The following MAPK11 variants were observed in gnomAD, a reference collection of about 807,000 sequenced individuals.
MAPK11 encodes MAP kinase 11.
A neutral mutation model predicts 52.2 loss-of-function variants in MAPK11; 44 were observed. That is an observed-to-expected ratio of 0.84 (90% CI 0.66 to 1.08). The LOEUF is 1.08. MAPK11 is among the 50% of genes least tolerant of loss of function. The pLI is 0.00. For missense variants in MAPK11, 436 were observed against 494.7 expected (o/e 0.88, Z 1.13); for synonymous variants, 233 against 206.3 (o/e 1.13, Z -1.11).
intron 2 of MAPK11, 69 bp from the exon 3 acceptor site, chr22:50,267,696 G>A (rs2065276324): frequency 6.9e-7 from 1 of 1,448,066 alleles, no homozygotes; most frequent in Non-Finnish European, 9.1e-7. Context: ...CCCGGGCCAC[G>A]CCCCCAGTGC....
At position 50,267,055 on chromosome 22, in the gene MAPK11, C is replaced by T; in HGVS notation, c.496-7G>A. 1 of 1,611,626 alleles carries T rather than the reference C, an allele frequency of 6.2e-7. No individual in the cohort carries two copies. Among genetic ancestry groups the T allele is most frequent in the Non-Finnish European group, 8.5e-7 (1 of 1,179,224 alleles). ...CCAGCCCAAAATCCAGGATCTGGGG[C>T]GACCACGTGGTGTTCTCAAGCTCCG... On this transcript the variant is annotated splice_region_variant and splice_polypyrimidine_tract_variant and intron_variant, in intron 6 of 11. Transcript: ENST00000330651.
chr22:50,265,699 C>T, intron 9 of MAPK11, 39 bp from the exon 10 acceptor site: 1 of 1,286,692 alleles, frequency 7.8e-7, no homozygotes, highest in Non-Finnish European at 1.1e-6. Context: ...GCTGCTCACT[C>T]TCTGCCTCCC....
Position 50,267,922 on chromosome 22 carries a change from C to G in MAPK11, c.144G>C (p.Gln48His). 6.3e-7 allele frequency: 1 copy of G among 1,581,384 alleles called. No homozygotes were observed. Among genetic ancestry groups the G allele is most frequent in the Non-Finnish European group, 8.6e-7 (1 of 1,166,472 alleles). The part of the protein sequence containing the change: ...VCSAYDARLR[Q>H]KVAVKKLSRP... ...GCGACAGCTTCTTCACCGCCACCTT[C>G]TGGCGCAGCCGGGCGTCGTAGGCCG... Residue 48 changes from glutamine (Q) to histidine (H), a missense_variant, in exon 2 of 12, where the codon CAG (glutamine) becomes CAC (histidine). Physicochemically the swap from Gln to His is conservative, Grantham distance 24 (BLOSUM62 0). Coordinates refer to ENST00000330651, the MANE Select transcript of MAPK11 (RefSeq NM_002751.7).
Position 50,266,355 on chromosome 22 carries a change from C to T in MAPK11, c.683-50G>A. The T allele has an allele frequency of 2.6e-6, 4 of 1,540,500 alleles. No individual in the cohort carries two copies. The South Asian group carries it at 4.7e-5, about 18-fold the overall frequency. On this transcript the variant is annotated intron_variant, in intron 8 of 11. Transcript: ENST00000330651. ...GGGCCAGCCACAGACCCCTCCTGGG[C>T]CCCCAGACCCAAAACTTTGGGGCGC...
In MAPK11 at chr22:50,270,120, A is replaced by G. The variant is rs1378981156; in HGVS notation, c.116+57T>C. On this transcript the variant is annotated intron_variant, in intron 1 of 11. Transcript: ENST00000330651. This position sits in a 1 kb window ranked among gnomAD's most constrained non-coding sequence, Gnocchi z 6.3. ...AGAACCTCGCGCGGGCGAGGAGGGG[A>G]CGCGCTCTCCGGCCCGGCCCGGCCC... is the stretch of plus-strand genomic sequence containing the variant. 98 of 914,852 alleles carry G rather than the reference A, an allele frequency of 1.1e-4. No individual in the cohort carries two copies. Among genetic ancestry groups the G allele is most frequent in the Non-Finnish European group, 1.4e-4 (95 of 676,032 alleles). The allele number at this position is 914,852 out of a possible 1,614,324, so 56.7% of individuals were successfully genotyped here. A position where few individuals can be genotyped will look rare whatever the true frequency, so the allele number is the denominator to read the frequency against.
chr22:50,268,203 T>G (rs1473395818), intron 1 of MAPK11, among the ~76,000 whole-genome samples: 1 of 152,230 alleles, frequency 6.6e-6, no homozygotes, highest in African/African-American at 2.4e-5. Context: ...CTCTGTCCCC[T>G]GGCCCCACTG....
At position 50,264,731 on chromosome 22, in the gene MAPK11, G is replaced by T; in HGVS notation, c.*217C>A. 1 of 523,420 alleles carries T rather than the reference G, an allele frequency of 1.9e-6. No individual in the cohort carries two copies. Among genetic ancestry groups the T allele is most frequent in the Non-Finnish European group, 3.5e-6 (1 of 289,478 alleles). 32.4% of individuals were successfully genotyped at this position (523,420 alleles called of 1,614,324 possible). On this transcript the variant is annotated 3_prime_UTR_variant, in exon 12 of 12. Transcript: ENST00000330651. ...ACAGGAGGACCAAGGTAGGCCCAGG[G>T]ACACTTGTGCCCAGACTCCTACACA...
Position 50,270,348 on chromosome 22 carries a change from CGA to C in MAPK11, c.-58_-57del. The C allele has an allele frequency of 1.4e-6, 1 of 705,982 alleles. No individual in the cohort carries two copies. Among genetic ancestry groups the C allele is most frequent in the African/African-American group, 1.9e-5 (1 of 51,410 alleles). 43.7% of individuals were successfully genotyped at this position (705,982 alleles called of 1,614,324 possible). Reference sequence around the variant, plus strand: ...CAGCCCCGCGCCCCGCGCCCGCGCCCGAGCCGAGCCCGAGCCGAGCGGAGCGG... The same window carrying C: ...CAGCCCCGCGCCCCGCGCCCGCGCCCGCCGAGCCCGAGCCGAGCGGAGCGG... On this transcript the variant is annotated 5_prime_UTR_variant, in exon 1 of 12. Transcript: ENST00000330651. This position sits in a 1 kb window ranked among gnomAD's most constrained non-coding sequence, Gnocchi z 6.3.
rs1273530259 is a variant in MAPK11, at chr22:50,267,644, G to A, written c.247-17C>T. 10 of 1,528,532 alleles carry A rather than the reference G, an allele frequency of 6.5e-6. No individual in the cohort carries two copies. Among genetic ancestry groups the A allele is most frequent in the Non-Finnish European group, 7.9e-6 (9 of 1,139,724 alleles). 94.7% of individuals were successfully genotyped at this position (1,528,532 alleles called of 1,614,324 possible). On this transcript the variant is annotated splice_polypyrimidine_tract_variant and intron_variant, in intron 2 of 11. Coordinates refer to ENST00000330651, the MANE Select transcript of MAPK11 (RefSeq NM_002751.7). ...CCCGATGACCTAGGTGGCGGGGGGC[G>A]TCAGGGCCGGGCGACGAACCCCCGG... is the stretch of plus-strand genomic sequence containing the variant.
chr22:50,270,137 G>T lies in MAPK11; in HGVS notation c.116+40C>A, dbSNP rs1351208769. Reference sequence around the variant, plus strand: ...AGGAGGGGACGCGCTCTCCGGCCCGGCCCGGCCCCCACCCAGCACCCCTTC... The same window carrying T: ...AGGAGGGGACGCGCTCTCCGGCCCGTCCCGGCCCCCACCCAGCACCCCTTC... On this transcript the variant is annotated intron_variant, in intron 1 of 11. Coordinates refer to ENST00000330651, the MANE Select transcript of MAPK11 (RefSeq NM_002751.7). This position sits in a 1 kb window ranked among gnomAD's most constrained non-coding sequence, Gnocchi z 6.3. 4.5e-6 allele frequency: 5 copies of T among 1,123,248 alleles called. No individual in the cohort carries two copies. The African/African-American group carries it at 6.6e-5, about 15-fold the overall frequency. The allele number at this position is 1,123,248 out of a possible 1,614,324, so 69.6% of individuals were successfully genotyped here.
Position 50,265,630 on chromosome 22 carries a change from TGGGGGGCAG to T in MAPK11, c.784_792del (p.Leu262_Pro264del). ...ATGCTGCTCAGGTCCTTCTGGGGCA[TGGGGGGCAG>T]GGACTGGATATATGTCCGGGCCTGG... On this transcript the variant is annotated inframe_deletion, in exon 10 of 12. Coordinates refer to ENST00000330651, the MANE Select transcript of MAPK11 (RefSeq NM_002751.7). The T allele has an allele frequency of 6.2e-7, 1 of 1,601,474 alleles. No homozygotes were observed. Among genetic ancestry groups the T allele is most frequent in the Non-Finnish European group, 8.5e-7 (1 of 1,173,542 alleles).
At position 50,267,715 on chromosome 22, in the gene MAPK11, G is replaced by C. The variant is rs1025712494; in HGVS notation, c.247-88C>G. On this transcript the variant is annotated intron_variant, in intron 2 of 11. Coordinates refer to ENST00000330651, the MANE Select transcript of MAPK11 (RefSeq NM_002751.7). Reference sequence around the variant, plus strand: ...GGCCACGCCCCCAGTGCCAGGCCGCGCCCCCTGTGTCCCCGCCCCCATCGC... The same window carrying C: ...GGCCACGCCCCCAGTGCCAGGCCGCCCCCCCTGTGTCCCCGCCCCCATCGC... The C allele has an allele frequency of 7.0e-6, 10 of 1,430,140 alleles. No homozygotes were observed. The African/African-American group carries it at 1.5e-4, about 22-fold the overall frequency. The allele number at this position is 1,430,140 out of a possible 1,614,324, so 88.6% of individuals were successfully genotyped here.
At position 50,270,315 on chromosome 22, in the gene MAPK11, C is replaced by G; in HGVS notation, c.-23G>C. 9.1e-7 allele frequency: 1 copy of G among 1,102,434 alleles called. No homozygotes were observed. The highest frequency in any genetic ancestry group is 1.1e-6 in the Non-Finnish European group (1 of 873,800). 68.3% of individuals were successfully genotyped at this position (1,102,434 alleles called of 1,614,324 possible). A position where few individuals can be genotyped will look rare whatever the true frequency, so the allele number is the denominator to read the frequency against. On this transcript the variant is annotated 5_prime_UTR_variant, in exon 1 of 12. Coordinates refer to ENST00000330651, the MANE Select transcript of MAPK11 (RefSeq NM_002751.7). The surrounding 1 kb of genome is among the most constrained non-coding windows in gnomAD (Gnocchi z 6.3). Reference sequence around the variant, plus strand: ...CATGTCCGGAGCAGCCGCCGCTCCGCCCGGGCCCAGCCCCGCGCCCCGCGC... The same window carrying G: ...CATGTCCGGAGCAGCCGCCGCTCCGGCCGGGCCCAGCCCCGCGCCCCGCGC...
At position 50,265,035 on chromosome 22, in the gene MAPK11, G is replaced by T; in HGVS notation, c.1016-8C>A. 3 of 1,611,630 alleles carry T rather than the reference G, an allele frequency of 1.9e-6. No homozygotes were observed. The highest frequency in any genetic ancestry group is 2.5e-6 in the Non-Finnish European group (3 of 1,178,570). ...CTTCCTGGTAAGTGAGCTCTAGGAGGTGAAGGGAAAGGGTGAGCTTGTGCC... is the reference window on the plus strand; with the variant it reads ...CTTCCTGGTAAGTGAGCTCTAGGAGTTGAAGGGAAAGGGTGAGCTTGTGCC... On this transcript the variant is annotated splice_region_variant and splice_polypyrimidine_tract_variant and intron_variant, in intron 11 of 11. Coordinates refer to ENST00000330651, the MANE Select transcript of MAPK11 (RefSeq NM_002751.7).
chr22:50,267,490 G>T lies in MAPK11; in HGVS notation c.306-8C>A. 1 of 1,593,702 alleles carries T rather than the reference G, an allele frequency of 6.3e-7. No individual in the cohort carries two copies. The highest frequency in any genetic ancestry group is 2.3e-5 in the East Asian group (1 of 44,200). ...AGGGTGGTCACCAAGTACCTGGGGCGGGGTCAGGGGGTCAGGACAGGGCCC... is the reference window on the plus strand; with the variant it reads ...AGGGTGGTCACCAAGTACCTGGGGCTGGGTCAGGGGGTCAGGACAGGGCCC... On this transcript the variant is annotated splice_region_variant and splice_polypyrimidine_tract_variant and intron_variant, in intron 3 of 11. Transcript: ENST00000330651.
intron 11 of MAPK11, 60 bp downstream of exon 11, chr22:50,265,261 C>T: frequency 1.9e-6 from 3 of 1,585,244 alleles, no homozygotes; most frequent in South Asian, 2.3e-5. Flanking sequence ...GCATTTCCTG[C>T]CTCTGGGGAA....
rs1285094691 is a variant in MAPK11, at chr22:50,264,855, T to C, written c.*93A>G. ...GGCCAGAAGTCTGTGACCATAGGAG[T>C]GTGGGAGGTGCCTCTCGAGGAAACC... On this transcript the variant is annotated 3_prime_UTR_variant, in exon 12 of 12. Transcript: ENST00000330651. 1 of 935,660 alleles carries C rather than the reference T, an allele frequency of 1.1e-6. No individual in the cohort carries two copies. Among genetic ancestry groups the C allele is most frequent in the Non-Finnish European group, 1.6e-6 (1 of 607,618 alleles). 58.0% of individuals were successfully genotyped at this position (935,660 alleles called of 1,614,324 possible).
intron 1 of MAPK11, 126 bp from the exon 2 acceptor site, chr22:50,268,075 G>GC: frequency 1.2e-5 from 11 of 938,266 alleles, no homozygotes; most frequent in Admixed American, 4.1e-5. Context: ...TTCTGCCCCG[G>GC]CCCCGCCGCC....
chr22:50,265,368 T>C lies in MAPK11; in HGVS notation c.968A>G (p.Tyr323Cys). ...CTCCTTGGCCTCAACGCTCTCATCATATGGCTCGGCCTCTGGCTCATCCTC... is the reference window on the plus strand; with the variant it reads ...CTCCTTGGCCTCAACGCTCTCATCACATGGCTCGGCCTCTGGCTCATCCTC... ...DPEDEPEAEPYDESVEAKERT... is the reference protein window; with the variant it reads ...DPEDEPEAEPCDESVEAKERT... Residue 323 changes from tyrosine to cysteine, a missense_variant, in exon 11 of 12, where the codon TAT becomes TGT. Physicochemically the swap from Tyr to Cys is radical, Grantham distance 194 (BLOSUM62 -2). Coordinates refer to ENST00000330651, the MANE Select transcript of MAPK11 (RefSeq NM_002751.7). 6.2e-7 allele frequency: 1 copy of C among 1,613,224 alleles called. No homozygotes were observed. Among genetic ancestry groups the C allele is most frequent in the Non-Finnish European group, 8.5e-7 (1 of 1,179,992 alleles).
Sources: allele counts gnomAD v4.1 joint callset (sites outside exome capture counted in the v4.1 genomes callset), GRCh38; gene constraint gnomAD v4.1.1; non-coding constraint Gnocchi (gnomAD v3.1); transcripts MANE v1.5; gene names NCBI Gene and HGNC (gene_info 2026-07-23, HGNC 2026-07-21).